The following UXS1 variants were observed in gnomAD, a reference collection of about 807,000 sequenced individuals.
UXS1 encodes UDP-glucuronic acid decarboxylase 1.
A neutral mutation model predicts 62.6 loss-of-function variants in UXS1; 33 were observed. That is an observed-to-expected ratio of 0.53 (90% confidence interval 0.40 to 0.70). The LOEUF (loss-of-function observed/expected upper bound fraction) is 0.70, where lower values mean the gene tolerates loss of function less well. UXS1 is among the 30% of genes least tolerant of loss of function. The probability of loss-of-function intolerance (pLI) is 0.00; values close to 1 mark genes in which losing one functional copy is unlikely to be tolerated. For synonymous variants in UXS1, 213 were observed against 206.8 expected (o/e 1.03, Z -0.26); for missense variants, 434 against 556.3 (o/e 0.78, Z 2.21).
intron 1 of UXS1, among the ~76,000 whole-genome samples, chr2:106,189,622 C>T (rs540298726): frequency 1.3e-5 from 2 of 152,230 alleles, no homozygotes; most frequent in South Asian, 4.1e-4. Context: ...GGCAATCCTA[C>T]CAAGAGCCTG....
intron 5 of UXS1, among the ~76,000 whole-genome samples, chr2:106,156,685 A>G (rs1682456262): frequency 6.6e-6 from 1 of 152,228 alleles, no homozygotes; most frequent in Non-Finnish European, 1.5e-5. Context: ...CTAGATAATT[A>G]TAATACCTAA....
At chr2:106,159,803 A>G (rs1682744735) in intron 4 of UXS1, among the ~76,000 whole-genome samples, 1 of 152,196 alleles carries the variant, frequency 6.6e-6, no homozygotes, top group African/African-American at 2.4e-5. Flanking sequence ...AAGCCCCTGA[A>G]GCAGGGGTTT....
intron 13 of UXS1, among the ~76,000 whole-genome samples, chr2:106,097,875 C>A (rs1677250172): frequency 6.6e-6 from 1 of 152,218 alleles, no homozygotes; most frequent in African/African-American, 2.4e-5. Context: ...ATGATGCAGG[C>A]TATGTCTGAG....
chr2:106,152,775 A>C lies in UXS1; in HGVS notation c.291+5283T>G, dbSNP rs185410694. ...ATCTCAACAGGAAGGGCCACTTAGCAGTACTTCCTAGACAGGGAAGGCTGA... is the reference window on the plus strand; with the variant it reads ...ATCTCAACAGGAAGGGCCACTTAGCCGTACTTCCTAGACAGGGAAGGCTGA... On this transcript the variant is annotated intron_variant, in intron 5 of 14. Coordinates refer to ENST00000283148, the MANE Select transcript of UXS1 (RefSeq NM_001253875.2). 2.3e-3 allele frequency among the ~76,000 whole-genome samples: 357 copies of C among 152,250 alleles called. 1 individual carries two copies. The highest frequency in any genetic ancestry group is 8.2e-3 in the African/African-American group (341 of 41,544).
intron 11 of UXS1, 93 bp from the exon 12 acceptor site, chr2:106,101,211 A>C: frequency 7.5e-7 from 1 of 1,334,834 alleles, no homozygotes; most frequent in Admixed American, 2.4e-5. Flanking sequence ...AAAAATTACC[A>C]CCCCCAGGAG....
chr2:106,118,221 ACTT>A (rs1286417911), intron 9 of UXS1, among the ~76,000 whole-genome samples: 1 of 54,324 alleles, frequency 1.8e-5, no homozygotes, highest in Non-Finnish European at 5.3e-5. Context: ...TTGGCTGCTT[ACTT>A]TTTTTTTTTT....
Position 106,093,460 on chromosome 2 carries a change from A to G in UXS1, c.*566T>C, listed in dbSNP as rs777208143. ...ATATCCTTGATCATGACCAACAGGA[A>G]TATTTCAAAGTCAAGTTTGCAACTC... On this transcript the variant is annotated 3_prime_UTR_variant, in exon 15 of 15. Transcript: ENST00000283148. The G allele has an allele frequency of 4.6e-5, 7 of 151,562 alleles. No homozygotes were observed. Among genetic ancestry groups the G allele is most frequent in the Non-Finnish European group, 7.4e-5 (5 of 67,822 alleles). 9.4% of individuals were successfully genotyped at this position (151,562 alleles called of 1,614,324 possible).
intron 6 of UXS1, among the ~76,000 whole-genome samples, chr2:106,139,122 C>A (rs572083374): frequency 5.3e-5 from 8 of 152,202 alleles, no homozygotes; most frequent in African/African-American, 1.9e-4. Flanking sequence ...GTACACCAAG[C>A]ATGAGCCTGA....
intron 6 of UXS1, among the ~76,000 whole-genome samples, chr2:106,131,090 C>T (rs867748052): frequency 1.3e-4 from 20 of 149,232 alleles, no homozygotes; most frequent in African/African-American, 4.9e-4. Flanking sequence ...ATTGCCTCAC[C>T]TGGGAAGCGC....
chr2:106,147,072 T>A (rs1470416499), intron 5 of UXS1, among the ~76,000 whole-genome samples: 1 of 150,662 alleles, frequency 6.6e-6, no homozygotes, highest in Non-Finnish European at 1.5e-5. Context: ...ACCTAGGAGG[T>A]GGAGGTTACA....
Position 106,100,793 on chromosome 2 carries a change from A to T in UXS1, c.984+265T>A. 3 of 443,810 alleles carry T rather than the reference A, an allele frequency of 6.8e-6. No individual in the cohort carries two copies. In the South Asian group the frequency reaches 1.2e-4, roughly 17 times the overall value. 27.5% of individuals were successfully genotyped at this position (443,810 alleles called of 1,614,324 possible). On this transcript the variant is annotated intron_variant, in intron 12 of 14. Transcript: ENST00000283148. The stretch of plus-strand genomic sequence containing the variant: ...CACACACGTCCACCTACTACCACCA[A>T]AAGGCTTCACACAATCTTAGACCCA...
At chr2:106,116,100 C>T (rs1679035031) in intron 9 of UXS1, among the ~76,000 whole-genome samples, 1 of 152,166 alleles carries the variant, frequency 6.6e-6, no homozygotes, top group Non-Finnish European at 1.5e-5. Context: ...GTGGAGCCAA[C>T]TAACAGCAGG....
chr2:106,109,139 G>A (rs763833960), intron 10 of UXS1, among the ~76,000 whole-genome samples: 1 of 151,790 alleles, frequency 6.6e-6, no homozygotes, highest in Non-Finnish European at 1.5e-5. Context: ...TGTAAATTCT[G>A]CTTGCCTGTG....
chr2:106,112,549 G>GTCACTCC, intron 10 of UXS1, 97 bp downstream of exon 10: 1 of 1,513,742 alleles, frequency 6.6e-7, no homozygotes, highest in South Asian at 1.3e-5. Context: ...CTTCAGAAGT[G>GTCACTCC]TCACTCCCTG....
intron 12 of UXS1, chr2:106,100,820 G>A: frequency 3.8e-6 from 2 of 527,472 alleles, no homozygotes; most frequent in Non-Finnish European, 3.3e-6. Context: ...TTAGACCCAG[G>A]CCCTTCAGAA....
intron 6 of UXS1, among the ~76,000 whole-genome samples, chr2:106,139,610 C>A (rs993917775): frequency 6.6e-6 from 1 of 152,172 alleles, no homozygotes; most frequent in Admixed American, 6.5e-5. Flanking sequence ...TCGGAGAAAT[C>A]GACATTTTCT....
chr2:106,101,239 G>A (rs1677576136), intron 11 of UXS1, 121 bp from the exon 12 acceptor site: 1 of 998,220 alleles, frequency 1.0e-6, no homozygotes, highest in Non-Finnish European at 1.5e-6. Flanking sequence ...AAACCCAAAT[G>A]GAAAATTGAA....
At chr2:106,104,422 C>T (rs10165141) in intron 11 of UXS1, among the ~76,000 whole-genome samples, 102,921 of 152,118 alleles carry the variant, frequency 0.68, 35,097 homozygotes, top group South Asian at 0.75. Context: ...CTCCACCCCG[C>T]GAGCCATGTT....
chr2:106,174,772 C>G (rs879678325), intron 1 of UXS1, among the ~76,000 whole-genome samples: 1 of 152,024 alleles, frequency 6.6e-6, no homozygotes, highest in Non-Finnish European at 1.5e-5. Context: ...CTAATCACAG[C>G]GTCATGGTAT....
Sources: gnomAD v4.1 joint callset for allele counts (sites outside exome capture counted in the v4.1 genomes callset) on GRCh38, gnomAD v4.1.1 for gene constraint, MANE v1.5 for transcripts, NCBI Gene and HGNC (gene_info 2026-07-23, HGNC 2026-07-21) for gene names.